The following FRK variants were observed in gnomAD, a reference collection of about 807,000 sequenced individuals.
FRK encodes tyrosine-protein kinase FRK.
In FRK, 51 loss-of-function variants were observed where a neutral mutation model predicts 56.4. The observed-to-expected ratio is 0.90, with a 90% CI of 0.72 to 1.14. The LOEUF (loss-of-function observed/expected upper bound fraction) is 1.14, where lower values mean the gene tolerates loss of function less well. Ranked by LOEUF, FRK falls within the 50% of genes most tolerant of loss-of-function variation. FRK has a pLI of 0.00. For missense variants in FRK, 570 were observed against 601.4 expected (o/e 0.95, Z 0.55); for synonymous variants, 245 against 217.9 (o/e 1.12, Z -1.10).
intron 5 of FRK, among the ~76,000 whole-genome samples, chr6:115,954,885 G>C (rs1772924083): frequency 6.6e-6 from 1 of 152,134 alleles, no homozygotes; most frequent in South Asian, 2.1e-4. Flanking sequence ...AAAGAACTGA[G>C]CCACCAGCCA....
Position 115,944,364 on chromosome 6 carries a change from A to G in FRK, c.1020T>C (p.Ser340=). The change falls in exon 6 of 8, where the codon TCT becomes TCC. Residue 340 remains serine (S), a synonymous_variant. Transcript: ENST00000606080. ...TCCGAGACTCCAGATAGGCCATTCC[A>G]GAGGCAACCTGTGCCGCCATGTCTA... ...QQVDMAAQVA[S]GMAYLESRNY... 1.2e-6 allele frequency: 2 copies of G among 1,612,938 alleles called. No individual in the cohort carries two copies. The highest frequency in any genetic ancestry group is 1.7e-6 in the Non-Finnish European group (2 of 1,179,582).
Position 115,935,795 on chromosome 6 carries a change from C to G in FRK, c.*6619G>C, listed in dbSNP as rs1362465342. ...CAAGGCCACTCTGGCCAGACTGCCTCTCTAGATTCCTCCTCTCTGGGCAGG... is the reference window on the plus strand; with the variant it reads ...CAAGGCCACTCTGGCCAGACTGCCTGTCTAGATTCCTCCTCTCTGGGCAGG... On this transcript the variant is annotated 3_prime_UTR_variant, in exon 8 of 8. Coordinates refer to ENST00000606080, the MANE Select transcript of FRK (RefSeq NM_002031.3). 2.0e-5 allele frequency: 3 copies of G among 152,372 alleles called. No homozygotes were observed. Among genetic ancestry groups the G allele is most frequent in the Admixed American group, 6.5e-5 (1 of 15,286 alleles). The allele number at this position is 152,372 out of a possible 1,614,324, so 9.4% of individuals were successfully genotyped here.
intron 2 of FRK, among the ~76,000 whole-genome samples, chr6:115,987,815 G>A (rs149610874): frequency 8.5e-5 from 13 of 152,116 alleles, no homozygotes; most frequent in African/African-American, 3.1e-4. Context: ...TTTAAGGCAT[G>A]GATCATCTCT....
chr6:116,079,915 C>T, the FRK span, among the ~76,000 whole-genome samples: 3 of 152,032 alleles, frequency 2.0e-5, no homozygotes, highest in African/African-American at 7.3e-5. Context: ...AAAATAGTAT[C>T]TTATGTTACC....
chr6:116,089,853 A>G, the FRK span, among the ~76,000 whole-genome samples: 383 of 152,106 alleles, frequency 2.5e-3, 10 homozygotes, highest in South Asian at 0.044. Flanking sequence ...CCTATAACAA[A>G]CCCCAAGGCA....
rs1436472086 is a variant in FRK, at chr6:115,932,432, A to G, written c.*9982T>C. ...AATCTTCTACATAATAATTCCAGAA[A>G]AAACAAGAATCAAACATTGTCAGAT... On this transcript the variant is annotated 3_prime_UTR_variant, in exon 8 of 8. Transcript: ENST00000606080. 6.6e-6 allele frequency: 1 copy of G among 152,236 alleles called. No individual in the cohort carries two copies. The highest frequency in any genetic ancestry group is 1.9e-4 in the East Asian group (1 of 5,202). The allele number at this position is 152,236 out of a possible 1,614,324, so 9.4% of individuals were successfully genotyped here.
chr6:116,095,599 C>T, the FRK span, among the ~76,000 whole-genome samples: 1 of 152,116 alleles, frequency 6.6e-6, no homozygotes. Context: ...CAACTAATAC[C>T]CCTACTTATA....
At position 116,052,000 on chromosome 6, in the gene FRK, T is replaced by C. The variant is rs546624332; in HGVS notation, c.344+7968A>G. Among the ~76,000 whole-genome samples, 5 of 152,316 alleles carry C rather than the reference T, an allele frequency of 3.3e-5. No homozygotes were observed. In the East Asian group the frequency reaches 7.7e-4, roughly 23 times the overall value. ...CAACATTAATTTTGTAAATTGGATC[T>C]AGATTTGCTCTCCATTTAAAAGCTC... On this transcript the variant is annotated intron_variant, in intron 1 of 7. Coordinates refer to ENST00000606080, the MANE Select transcript of FRK (RefSeq NM_002031.3).
At chr6:116,086,394 T>C in the FRK span, among the ~76,000 whole-genome samples, 1 of 152,200 alleles carries the variant, frequency 6.6e-6, no homozygotes, top group Non-Finnish European at 1.5e-5. Flanking sequence ...TATTTTTCTA[T>C]GTGATGTACT....
the FRK span, among the ~76,000 whole-genome samples, chr6:116,094,458 A>T: frequency 6.6e-6 from 1 of 152,224 alleles, no homozygotes; most frequent in East Asian, 1.9e-4. Flanking sequence ...GTAACCAGGT[A>T]TTTCTCCCAC....
At chr6:115,999,047 A>AT (rs34587714) in intron 2 of FRK, among the ~76,000 whole-genome samples, 1 of 152,172 alleles carries the variant, frequency 6.6e-6, no homozygotes, top group African/African-American at 2.4e-5. Flanking sequence ...CCTAAAGTGC[A>AT]TTTTTTAAGT....
In FRK at chr6:115,939,490, G is replaced by C. The variant is rs760572950; in HGVS notation, c.*2924C>G. ...TTGAAAGTTCTGGCCAGGGCAATCA[G>C]GCAAGAGAAAGAAATAAAGGGTATT... On this transcript the variant is annotated 3_prime_UTR_variant, in exon 8 of 8. Coordinates refer to ENST00000606080, the MANE Select transcript of FRK (RefSeq NM_002031.3). 9 of 152,130 alleles carry C rather than the reference G, an allele frequency of 5.9e-5. No homozygotes were observed. The highest frequency in any genetic ancestry group is 7.3e-5 in the Non-Finnish European group (5 of 68,042). 9.4% of individuals were successfully genotyped at this position (152,130 alleles called of 1,614,324 possible).
intron 2 of FRK, among the ~76,000 whole-genome samples, chr6:115,978,864 C>T (rs1485161620): frequency 6.6e-6 from 1 of 152,004 alleles, no homozygotes; most frequent in East Asian, 1.9e-4. Flanking sequence ...CCAGCCTGGG[C>T]AACACAGTGA....
chr6:116,047,185 G>A (rs1486572073), intron 1 of FRK, among the ~76,000 whole-genome samples: 1 of 151,914 alleles, frequency 6.6e-6, no homozygotes, highest in Non-Finnish European at 1.5e-5. Flanking sequence ...ATTTGGGAAG[G>A]CCAAATCCAT....
At chr6:115,998,544 C>T (rs1168716676) in intron 2 of FRK, among the ~76,000 whole-genome samples, 1 of 152,206 alleles carries the variant, frequency 6.6e-6, no homozygotes, top group African/African-American at 2.4e-5. Context: ...GTGCATTTGT[C>T]TTTGCCAGAA....
chr6:115,980,134 G>A (rs996692066), intron 2 of FRK, among the ~76,000 whole-genome samples: 13 of 151,778 alleles, frequency 8.6e-5, no homozygotes, highest in African/African-American at 2.7e-4. Context: ...CCATTAAGAC[G>A]GACCAGTTAC....
At chr6:115,951,603 A>G (rs557944047) in intron 5 of FRK, among the ~76,000 whole-genome samples, 2 of 152,356 alleles carry the variant, frequency 1.3e-5, no homozygotes, top group South Asian at 4.1e-4. Flanking sequence ...GGAGAAATGT[A>G]TTACAAAAAT....
chr6:115,974,480 G>A (rs1302445659), intron 2 of FRK, among the ~76,000 whole-genome samples: 2 of 152,138 alleles, frequency 1.3e-5, no homozygotes, highest in African/African-American at 4.8e-5. Flanking sequence ...CAAGCACAAA[G>A]AGAGGTATTT....
At position 115,958,768 on chromosome 6, in the gene FRK, A is replaced by AAAGAAAGAG. The variant is rs1292819468; in HGVS notation, c.800-2159_800-2158insCTCTTTCTT. Among the ~76,000 whole-genome samples the AAAGAAAGAG allele has an allele frequency of 5.0e-5, 4 of 80,700 alleles. 1 individual carries two copies. The highest frequency in any genetic ancestry group is 1.4e-4 in the Admixed American group (1 of 7,044). The allele number at this position is 80,700 out of a possible 152,430, so 52.9% of individuals were successfully genotyped here. A position where few individuals can be genotyped will look rare whatever the true frequency, so the allele number is the denominator to read the frequency against. On this transcript the variant is annotated intron_variant, in intron 4 of 7. Coordinates refer to ENST00000606080, the MANE Select transcript of FRK (RefSeq NM_002031.3). ...GAAAGAAAGAAAGAAAGAAAGAAAG[A>AAAGAAAGAG]GGGGGGGGAAGGAGAGAGAGAAAGA...
Sources: gnomAD v4.1 joint callset for allele counts (sites outside exome capture counted in the v4.1 genomes callset) on GRCh38, gnomAD v4.1.1 for gene constraint, MANE v1.5 for transcripts, NCBI Gene and HGNC (gene_info 2026-07-23, HGNC 2026-07-21) for gene names.